The following PTPRE variants were observed in gnomAD, a reference collection of about 807,000 sequenced individuals.
The protein encoded by PTPRE is receptor-type tyrosine-protein phosphatase epsilon.
A neutral mutation model predicts 102.0 loss-of-function variants in PTPRE; 51 were observed. The ratio of observed to expected loss-of-function variants is 0.50; its 90% CI spans 0.40 to 0.63. The LOEUF is 0.63. Ranked by LOEUF, PTPRE falls within the 30% of genes least tolerant of loss-of-function variation. The probability of loss-of-function intolerance (pLI) is 0.00; values close to 1 mark genes in which losing one functional copy is unlikely to be tolerated. For synonymous variants in PTPRE, 345 were observed against 348.2 expected (o/e 0.99, Z 0.10); for missense variants, 752 against 915.1 (o/e 0.82, Z 2.30).
At chr10:127,925,983 G>A (rs1326009903) in intron 1 of PTPRE, among the ~76,000 whole-genome samples, 1 of 152,216 alleles carries the variant, frequency 6.6e-6, no homozygotes, top group Non-Finnish European at 1.5e-5. Flanking sequence ...TATGTTAATT[G>A]GAATTGTGCT....
At chr10:128,080,298 G>T (rs577954010) in intron 20 of PTPRE, among the ~76,000 whole-genome samples, 53 of 152,272 alleles carry the variant, frequency 3.5e-4, no homozygotes, top group South Asian at 2.5e-3. Flanking sequence ...CAATTTTAAA[G>T]CCTGTTACAA....
chr10:127,955,377 A>C (rs1467400058), intron 1 of PTPRE, among the ~76,000 whole-genome samples: 1 of 152,226 alleles, frequency 6.6e-6, no homozygotes. Context: ...GAAGGCAAAG[A>C]GAATACAGAA....
chr10:128,049,640 T>A lies in PTPRE; in HGVS notation c.394T>A (p.Cys132Ser). 1 of 1,613,962 alleles carries A rather than the reference T, an allele frequency of 6.2e-7. No homozygotes were observed. The highest frequency in any genetic ancestry group is 8.5e-7 in the Non-Finnish European group (1 of 1,180,032). Reference protein sequence around the residue: ...EEIRIRSADDCKQFREEFNSL... With the variant: ...EEIRIRSADDSKQFREEFNSL... ...GATCCGTATCAGATCCGCCGACGAC[T>A]GCAAGCAGTTTCGGGAGGAGTTCAA... The change falls in exon 6 of 21, where the codon TGC (cysteine) becomes AGC (serine). Residue 132 changes from cysteine to serine, a missense_variant. By Grantham distance (112) the Cys-to-Ser change is moderately radical. This residue lies in a region of PTPRE where 636 missense variants were observed against 824.4 expected (regional missense o/e 0.77). Coordinates refer to ENST00000254667, the MANE Select transcript of PTPRE (RefSeq NM_006504.6).
intron 1 of PTPRE, among the ~76,000 whole-genome samples, chr10:127,958,342 G>T (rs910744918): frequency 2.0e-5 from 3 of 152,128 alleles, no homozygotes; most frequent in Non-Finnish European, 4.4e-5. Context: ...TTTCATAGCT[G>T]TCCTTTATCA....
At chr10:128,025,024 TG>T (rs1472752602) in intron 2 of PTPRE, among the ~76,000 whole-genome samples, 1 of 151,732 alleles carries the variant, frequency 6.6e-6, no homozygotes, top group East Asian at 1.9e-4. Flanking sequence ...GCAAGCATGA[TG>T]GTGCATAACT....
At chr10:128,048,087 T>G (rs1461117371) in intron 5 of PTPRE, among the ~76,000 whole-genome samples, 4 of 152,198 alleles carry the variant, frequency 2.6e-5, no homozygotes, top group Non-Finnish European at 4.4e-5. Context: ...AGAGAGACTG[T>G]TCATATCCTG....
intron 2 of PTPRE, among the ~76,000 whole-genome samples, chr10:128,020,162 T>C (rs925963904): frequency 2.0e-5 from 3 of 152,246 alleles, no homozygotes; most frequent in Non-Finnish European, 4.4e-5. Flanking sequence ...GAATAATTAA[T>C]AAGCCCACAC....
intron 17 of PTPRE, 116 bp downstream of exon 17, chr10:128,073,587 G>A: frequency 7.0e-6 from 9 of 1,277,050 alleles, no homozygotes; most frequent in Non-Finnish European, 7.4e-6. Context: ...GTGAGACCAA[G>A]CCAGGACCAC....
At chr10:128,022,857 C>T (rs1035140999) in intron 2 of PTPRE, among the ~76,000 whole-genome samples, 7 of 152,204 alleles carry the variant, frequency 4.6e-5, no homozygotes, top group African/African-American at 7.2e-5. Flanking sequence ...GGAAAGAAAC[C>T]GCCATCGCTG....
intron 2 of PTPRE, among the ~76,000 whole-genome samples, chr10:128,001,267 G>A (rs909627074): frequency 1.3e-5 from 2 of 152,136 alleles, no homozygotes; most frequent in Admixed American, 1.3e-4. Context: ...GGGAAGGAAT[G>A]CATTTATAGA....
At chr10:128,045,318 CCA>C (rs1359086066) in intron 3 of PTPRE, among the ~76,000 whole-genome samples, 1 of 152,214 alleles carries the variant, frequency 6.6e-6, no homozygotes, top group African/African-American at 2.4e-5. Context: ...GAGGCCAGAC[CCA>C]CGGAGGGCTG....
At position 127,907,631 on chromosome 10, in the gene PTPRE, C is replaced by A. The variant is rs987694904; in HGVS notation, c.-31+322C>A. ...CGCGTGTCTGCGGGTGGCTACAGTG[C>A]GCGGGGGCCGGCGGCAGGGCGGCGT... On this transcript the variant is annotated intron_variant, in intron 1 of 20. Coordinates refer to ENST00000254667, the MANE Select transcript of PTPRE (RefSeq NM_006504.6). The surrounding 1 kb of genome is among the most constrained non-coding windows in gnomAD (Gnocchi z 4.8). 6.6e-6 allele frequency among the ~76,000 whole-genome samples: 1 copy of A among 152,086 alleles called. No homozygotes were observed. Among genetic ancestry groups the A allele is most frequent in the African/African-American group, 2.4e-5 (1 of 41,424 alleles).
chr10:127,965,977 A>C (rs12255786), intron 1 of PTPRE, among the ~76,000 whole-genome samples: 17 of 152,194 alleles, frequency 1.1e-4, no homozygotes, highest in Admixed American at 1.1e-3. Context: ...ATGCCTCTGC[A>C]AAGTTGCAGG....
In PTPRE at chr10:127,924,832, G is replaced by A. The variant is rs547521599; in HGVS notation, c.-31+17523G>A. Among the ~76,000 whole-genome samples, 138 of 152,334 alleles carry A rather than the reference G, an allele frequency of 9.1e-4. 3 individuals are homozygous for A. In the South Asian group the frequency reaches 0.027, roughly 30 times the overall value. ...AATCTAGAAGTTATGGAGCATTGAA[G>A]TAGCTGAGCTTTCTAGAAAGCGGAC... On this transcript the variant is annotated intron_variant, in intron 1 of 20. Transcript: ENST00000254667.
intron 2 of PTPRE, among the ~76,000 whole-genome samples, chr10:128,034,024 G>A (rs1435346718): frequency 2.6e-5 from 4 of 152,190 alleles, no homozygotes; most frequent in Non-Finnish European, 5.9e-5. Flanking sequence ...TTTATAAATA[G>A]TTACATGTAC....
intron 2 of PTPRE, among the ~76,000 whole-genome samples, chr10:128,027,866 C>G (rs1846398392): frequency 6.6e-6 from 1 of 152,134 alleles, no homozygotes; most frequent in Non-Finnish European, 1.5e-5. Flanking sequence ...TTGAGCCCAC[C>G]TGGCTGAAAG....
chr10:128,041,112 G>A, intron 3 of PTPRE, 122 bp downstream of exon 3: 1 of 813,828 alleles, frequency 1.2e-6, no homozygotes, highest in Non-Finnish European at 2.0e-6. Flanking sequence ...TTCTTAGTGT[G>A]CTTTTAATAG....
chr10:127,996,311 T>C (rs1853258530), intron 2 of PTPRE, among the ~76,000 whole-genome samples: 5 of 152,210 alleles, frequency 3.3e-5, no homozygotes, highest in Admixed American at 3.3e-4. Context: ...TCTCGAAAGC[T>C]GGCCCGTCAA....
intron 3 of PTPRE, among the ~76,000 whole-genome samples, chr10:128,043,099 A>G (rs1240204796): frequency 6.6e-6 from 1 of 152,134 alleles, no homozygotes; most frequent in Admixed American, 6.5e-5. Context: ...GGCACCAGGG[A>G]CTGGTTTAAT....
Sources: allele counts gnomAD v4.1 joint callset (sites outside exome capture counted in the v4.1 genomes callset), GRCh38; gene constraint gnomAD v4.1.1; regional missense constraint gnomAD v4.1.1; non-coding constraint Gnocchi (gnomAD v3.1); transcripts MANE v1.5; gene names NCBI Gene and HGNC (gene_info 2026-07-23, HGNC 2026-07-21).